The following APOL4 variants were observed in gnomAD, a reference collection of about 807,000 sequenced individuals.
APOL4 encodes apolipoprotein L4, also known as apolipoprotein L, 4.
In APOL4, 14 loss-of-function variants were observed where a neutral mutation model predicts 12.1. That is an observed-to-expected ratio of 1.16 (90% CI 0.76 to 1.81). APOL4 has a LOEUF of 1.81. APOL4 is among the 40% of genes most tolerant of loss of function. The pLI, the probability that APOL4 is intolerant of heterozygous loss-of-function variation, is 0.00. For missense variants in APOL4, 432 were observed against 423.1 expected (o/e 1.02, Z -0.18); for synonymous variants, 171 against 160.6 (o/e 1.06, Z -0.49).
intron 2 of APOL4, among the ~76,000 whole-genome samples, chr22:36,198,423 G>A (rs1393768572): frequency 2.0e-5 from 3 of 152,200 alleles, no homozygotes; most frequent in African/African-American, 4.8e-5. Flanking sequence ...ACCTCCTCCA[G>A]TTTGGTTTTC....
intron 3 of APOL4, among the ~76,000 whole-genome samples, chr22:36,192,303 G>A (rs2014282409): frequency 1.3e-5 from 2 of 152,160 alleles, no homozygotes; most frequent in Admixed American, 6.5e-5. Flanking sequence ...TCGCGCCACT[G>A]CACTCCAGCC....
At chr22:36,200,785 A>C (rs1451954172) in intron 1 of APOL4, among the ~76,000 whole-genome samples, 1 of 152,264 alleles carries the variant, frequency 6.6e-6, no homozygotes, top group South Asian at 2.1e-4. Context: ...CCATTCTTTC[A>C]GTCTTACTGG....
rs564007068 is a variant in APOL4, at chr22:36,191,512, G to A, written c.610C>T (p.Leu204=). ...TRSAELTASR[L]TATSTDQLEA... ...AATTGGTCAGTGCTGGTTGCAGTCA[G>A]CCTGCTGGCTGTGAGTTCTGCTGAC... is the stretch of plus-strand genomic sequence containing the variant. Residue 204 remains leucine, a synonymous_variant, in exon 4 of 4, where the codon CTG becomes TTG. Transcript: ENST00000683024. 3.9e-4 allele frequency: 631 copies of A among 1,614,074 alleles called. 7 individuals are homozygous for A. The South Asian group carries it at 6.4e-3, about 16-fold the overall frequency.
At position 36,199,341 on chromosome 22, in the gene APOL4, C is replaced by T. The variant is rs200978577; in HGVS notation, c.71G>A (p.Gly24Glu). 686 of 1,614,126 alleles carry T rather than the reference C, an allele frequency of 4.2e-4. 3 individuals carry two copies. In the Middle Eastern group the frequency reaches 6.1e-3, roughly 14 times the overall value. The change falls in exon 2 of 4, where the codon GGA becomes GAA. Residue 24 changes from glycine (G) to glutamate (E), a missense_variant. Physicochemically the swap from Gly to Glu is moderately conservative, Grantham distance 98. Transcript: ENST00000683024. The part of the protein sequence containing the change: ...QQNHPGWTVA[G>E]QFQEKKRFTE... ...TCTGAAAGGCTTACCTTGGAACTGT[C>T]CAGCCACTGTCCAGCCTGGATGGTT...
Position 36,195,299 on chromosome 22 carries a change from C to T in APOL4, c.209+12G>A, listed in dbSNP as rs571383839. On this transcript the variant is annotated intron_variant, in intron 3 of 3. Coordinates refer to ENST00000683024, the MANE Select transcript of APOL4 (RefSeq NM_001386885.1). ...CCGGGGTGCCCCAAGGAGGTAACCC[C>T]ATGGAGGTTACCTGGGCAATTCAGC... 180 of 1,613,124 alleles carry T rather than the reference C, an allele frequency of 1.1e-4. 1 individual carries two copies. The East Asian group carries it at 3.9e-3, about 35-fold the overall frequency.
At position 36,196,987 on chromosome 22, in the gene APOL4, A is replaced by G. The variant is rs1199863246; in HGVS notation, c.83-1550T>C. Among the ~76,000 whole-genome samples, 10 of 151,918 alleles carry G rather than the reference A, an allele frequency of 6.6e-5. No homozygotes were observed. In the East Asian group the frequency reaches 9.6e-4, roughly 15 times the overall value. ...AGGGGGTTCTTTAGGTGGGCAGGGG[A>G]GTGGGACCCTCAGCACTGATCCTTG... On this transcript the variant is annotated intron_variant, in intron 2 of 3. Coordinates refer to ENST00000683024, the MANE Select transcript of APOL4 (RefSeq NM_001386885.1).
chr22:36,191,083 CT>C lies in APOL4; in HGVS notation c.1038del (p.Ala347GlnfsTer19). 6.3e-7 allele frequency: 1 copy of C among 1,598,312 alleles called. No individual in the cohort carries two copies. The highest frequency in any genetic ancestry group is 1.7e-5 in the Admixed American group (1 of 57,790). ...TCCCGCAACAATTGGGCCTAGCCTG[CT>C]TTTAGACTCTGATGGATATGGGTGA... ...NELTHIHQSLKAG is the reference protein window; with the variant it reads ...NELTHIHQSLXAG On this transcript the variant is annotated frameshift_variant, in exon 4 of 4. Transcript: ENST00000683024. LOFTEE classifies it high-confidence loss of function.
At chr22:36,202,598 C>T (rs1001361092), upstream of APOL4, among the ~76,000 whole-genome samples, 3 of 151,620 alleles carry the variant, frequency 2.0e-5, no homozygotes, top group South Asian at 2.1e-4. Flanking sequence ...TAGTGGCGGG[C>T]GCCTGTAGTC....
At chr22:36,193,690 G>T (rs1437669609) in intron 3 of APOL4, among the ~76,000 whole-genome samples, 1 of 152,206 alleles carries the variant, frequency 6.6e-6, no homozygotes, top group Non-Finnish European at 1.5e-5. Flanking sequence ...GAGTCCTTAA[G>T]AATTCAAACA....
upstream of APOL4, chr22:36,201,871 G>C: frequency 6.3e-7 from 1 of 1,584,682 alleles, no homozygotes; most frequent in Non-Finnish European, 8.6e-7. Context: ...GGTCAATTCC[G>C]GGAAGTGATT....
intron 2 of APOL4, chr22:36,197,729 C>T (rs528640981): frequency 6.4e-7 from 1 of 1,550,462 alleles, no homozygotes; most frequent in South Asian, 1.2e-5. Flanking sequence ...TGGGAGGTCA[C>T]AGAAAGAACA....
intron 2 of APOL4, chr22:36,197,916 C>T (rs2014461130): frequency 6.9e-6 from 10 of 1,445,380 alleles, no homozygotes; most frequent in Non-Finnish European, 8.2e-6. Context: ...ACCCCAGACT[C>T]AATCATACCC....
At chr22:36,200,520 C>G (rs2014539901) in intron 1 of APOL4, among the ~76,000 whole-genome samples, 1 of 152,260 alleles carries the variant, frequency 6.6e-6, no homozygotes, top group African/African-American at 2.4e-5. Flanking sequence ...CCTCCTGGCG[C>G]TGCCCTGTTC....
chr22:36,204,587 G>A (rs779519849), upstream of APOL4: 7 of 371,146 alleles, frequency 1.9e-5, no homozygotes, highest in Non-Finnish European at 2.9e-5. Context: ...GCTATTGCGA[G>A]AATAAGGAGA....
In APOL4 at chr22:36,190,965, A is replaced by C; in HGVS notation, c.*110T>G. ...AGGCATAGGAAATTATAAAAGTATT[A>C]ATTTGGGGAACTAATAAATGTCCAT... On this transcript the variant is annotated 3_prime_UTR_variant, in exon 4 of 4. Transcript: ENST00000683024. 1 of 953,190 alleles carries C rather than the reference A, an allele frequency of 1.0e-6. No homozygotes were observed. The highest frequency in any genetic ancestry group is 1.5e-6 in the Non-Finnish European group (1 of 654,050). The allele number at this position is 953,190 out of a possible 1,614,324, so 59.0% of individuals were successfully genotyped here.
At chr22:36,199,727 A>G in intron 1 of APOL4, 1 of 1,328,180 alleles carries the variant, frequency 7.5e-7, no homozygotes, top group Non-Finnish European at 1.0e-6. Flanking sequence ...ATGACCGGAA[A>G]CATGTGTGAC....
intron 1 of APOL4, among the ~76,000 whole-genome samples, chr22:36,200,951 T>C (rs777891555): frequency 2.0e-5 from 3 of 152,226 alleles, no homozygotes; most frequent in African/African-American, 7.2e-5. Flanking sequence ...GGAGGATTAA[T>C]ATTGTCATTT....
In APOL4 at chr22:36,191,452, G is replaced by C; in HGVS notation, c.670C>G (p.Pro224Ala). 6.2e-7 allele frequency: 1 copy of C among 1,614,062 alleles called. No homozygotes were observed. The highest frequency in any genetic ancestry group is 8.5e-7 in the Non-Finnish European group (1 of 1,179,896). Residue 224 changes from proline (P) to alanine (A), a missense_variant, in exon 4 of 4, where the codon CCC becomes GCC. Coordinates refer to ENST00000683024, the MANE Select transcript of APOL4 (RefSeq NM_001386885.1). ...TCAAGTGCAAAAGAAAGCACATTGGGTGTGATGTCACGCAGAATGTCCCTT... is the reference window on the plus strand; with the variant it reads ...TCAAGTGCAAAAGAAAGCACATTGGCTGTGATGTCACGCAGAATGTCCCTT... ...ALRDILRDIT[P>A]NVLSFALDFD...
chr22:36,201,099 G>T (rs549009181), intron 1 of APOL4, among the ~76,000 whole-genome samples: 161 of 151,894 alleles, frequency 1.1e-3, no homozygotes, highest in Non-Finnish European at 1.6e-3. Flanking sequence ...GGAGAGGAGA[G>T]ATAGAGGGAG....
Sources: allele counts gnomAD v4.1 joint callset (sites outside exome capture counted in the v4.1 genomes callset), GRCh38; gene constraint gnomAD v4.1.1; transcripts MANE v1.5; gene names NCBI Gene and HGNC (gene_info 2026-07-23, HGNC 2026-07-21).